Variants in ADARB2 observed in about 807,000 individuals in gnomAD.
The protein encoded by ADARB2 is adenosine deaminase RNA specific B2 (inactive).
Under a neutral mutation model 62.2 loss-of-function variants are expected in ADARB2, and 25 were observed. That is an observed-to-expected ratio of 0.40 (90% CI 0.29 to 0.56). ADARB2 has a LOEUF of 0.56. Ranked by LOEUF, ADARB2 falls within the 20% of genes least tolerant of loss-of-function variation. ADARB2 has a pLI of 0.43. For synonymous variants in ADARB2, 572 were observed against 500.8 expected (o/e 1.14, Z -1.90); for missense variants, 1,071 against 1,077.4 (o/e 0.99, Z 0.08).
chr10:1,594,503 G>A (rs925927191), intron 1 of ADARB2, among the ~76,000 whole-genome samples: 5 of 152,064 alleles, frequency 3.3e-5, no homozygotes, highest in Admixed American at 2.6e-4. Flanking sequence ...GGATTTTGGC[G>A]TGGGTGTTTG....
At chr10:1,331,148 T>C (rs1053567311) in intron 3 of ADARB2, among the ~76,000 whole-genome samples, 8 of 152,184 alleles carry the variant, frequency 5.3e-5, no homozygotes, top group African/African-American at 1.9e-4. Flanking sequence ...TGTGGAGAAA[T>C]TGGAACCCTC....
chr10:1,732,500 A>G (rs1477261021), intron 1 of ADARB2, among the ~76,000 whole-genome samples: 1 of 152,202 alleles, frequency 6.6e-6, no homozygotes, highest in Non-Finnish European at 1.5e-5. Flanking sequence ...CTGTTATTAC[A>G]TGGGTCACTA....
At chr10:1,265,503 G>A (rs1017624175) in intron 4 of ADARB2, among the ~76,000 whole-genome samples, 2 of 152,268 alleles carry the variant, frequency 1.3e-5, no homozygotes, top group South Asian at 2.1e-4. Context: ...TGGAGAGAAG[G>A]GGTGAGTGGG....
chr10:1,471,446 A>G (rs547490531), intron 1 of ADARB2, among the ~76,000 whole-genome samples: 3 of 152,100 alleles, frequency 2.0e-5, no homozygotes, highest in Admixed American at 1.3e-4. Flanking sequence ...GCTGGAGTGC[A>G]ATGGCGAGGT....
chr10:1,575,736 C>G (rs1339956927), intron 1 of ADARB2, among the ~76,000 whole-genome samples: 3 of 152,204 alleles, frequency 2.0e-5, no homozygotes, highest in Admixed American at 6.5e-5. Context: ...TGGTCAAGCT[C>G]CATGGTTTCC....
At chr10:1,381,179 C>T (rs867985513) in intron 1 of ADARB2, among the ~76,000 whole-genome samples, 9,481 of 150,078 alleles carry the variant, frequency 0.063, 1,034 homozygotes, top group African/African-American at 0.21. Context: ...CATATACACA[C>T]ACACACACAC....
At chr10:1,685,936 C>A (rs528194783) in intron 1 of ADARB2, among the ~76,000 whole-genome samples, 1 of 152,318 alleles carries the variant, frequency 6.6e-6, no homozygotes, top group South Asian at 2.1e-4. Flanking sequence ...GACGGATGGG[C>A]TGCAATGTGG....
In ADARB2 at chr10:1,375,796, G is replaced by GCA. The variant is rs60085061; in HGVS notation, c.187+3276_187+3277dup. Among the ~76,000 whole-genome samples the GCA allele has an allele frequency of 2.6e-4, 33 of 126,188 alleles. 1 individual carries two copies. The highest frequency in any genetic ancestry group is 2.3e-3 in the East Asian group (9 of 3,976). 82.8% of individuals were successfully genotyped at this position (126,188 alleles called of 152,430 possible). A position where few individuals can be genotyped will look rare whatever the true frequency, so the allele number is the denominator to read the frequency against. Reference sequence around the variant, plus strand: ...CACATGTGCACACACATGCACACACGCACACACACACCACACACATGCACA... The same window carrying GCA: ...CACATGTGCACACACATGCACACACGCACACACACACACCACACACATGCACA... On this transcript the variant is annotated intron_variant, in intron 2 of 9. Transcript: ENST00000381312.
At chr10:1,725,700 CGAA>C (rs1564205642) in intron 1 of ADARB2, among the ~76,000 whole-genome samples, 1 of 152,186 alleles carries the variant, frequency 6.6e-6, no homozygotes, top group African/African-American at 2.4e-5. Flanking sequence ...CACTCGTATC[CGAA>C]GTTTGAATGT....
intron 1 of ADARB2, among the ~76,000 whole-genome samples, chr10:1,450,704 G>T (rs987591751): frequency 3.3e-5 from 5 of 152,226 alleles, no homozygotes; most frequent in Non-Finnish European, 5.9e-5. Flanking sequence ...GAACATGGGT[G>T]AGTGGCGAGG....
intron 1 of ADARB2, among the ~76,000 whole-genome samples, chr10:1,619,093 G>T (rs942055092): frequency 6.6e-6 from 1 of 152,144 alleles, no homozygotes; most frequent in Non-Finnish European, 1.5e-5. Context: ...AGATTGAGAA[G>T]GCGAGAGACA....
At chr10:1,724,824 G>A (rs1396263569) in intron 1 of ADARB2, among the ~76,000 whole-genome samples, 1 of 152,180 alleles carries the variant, frequency 6.6e-6, no homozygotes, top group Non-Finnish European at 1.5e-5. Flanking sequence ...GGTGTCGTAG[G>A]GAGAATGTGG....
At chr10:1,352,107 G>T (rs986880123) in intron 3 of ADARB2, among the ~76,000 whole-genome samples, 2 of 151,962 alleles carry the variant, frequency 1.3e-5, no homozygotes, top group African/African-American at 2.4e-5. Context: ...AAGCTTCACA[G>T]ACAGCCCCCA....
intron 6 of ADARB2, among the ~76,000 whole-genome samples, chr10:1,230,850 G>A (rs1830797828): frequency 6.6e-6 from 1 of 152,156 alleles, no homozygotes; most frequent in Non-Finnish European, 1.5e-5. Context: ...ATTTTGCCTG[G>A]CATATCTGCT....
intron 1 of ADARB2, among the ~76,000 whole-genome samples, chr10:1,488,883 AACCAGGATG>A (rs1831585430): frequency 6.6e-6 from 1 of 152,232 alleles, no homozygotes; most frequent in African/African-American, 2.4e-5. Context: ...TTGGTCAGCA[AACCAGGATG>A]AGATGGGAAC....
intron 1 of ADARB2, among the ~76,000 whole-genome samples, chr10:1,581,644 A>G (rs1833100501): frequency 6.6e-6 from 1 of 152,110 alleles, no homozygotes; most frequent in Admixed American, 6.5e-5. Flanking sequence ...GTGTGTGTGT[A>G]TACCTATATA....
intron 1 of ADARB2, among the ~76,000 whole-genome samples, chr10:1,512,936 C>T (rs1831956888): frequency 6.6e-6 from 1 of 152,208 alleles, no homozygotes; most frequent in Non-Finnish European, 1.5e-5. Flanking sequence ...TGCCAAGCTG[C>T]TTACTTTAAA....
chr10:1,197,938 G>T (rs1836932509), intron 8 of ADARB2, among the ~76,000 whole-genome samples: 1 of 152,270 alleles, frequency 6.6e-6, no homozygotes, highest in East Asian at 1.9e-4. Context: ...ATTATTCAAA[G>T]CATAGAGTTT....
intron 3 of ADARB2, among the ~76,000 whole-genome samples, chr10:1,327,050 C>T (rs1282945650): frequency 1.1e-5 from 1 of 90,898 alleles, no homozygotes; most frequent in Non-Finnish European, 2.4e-5. Flanking sequence ...CCCAGCGCCT[C>T]CCCACTGCCC....
Sources: allele counts gnomAD v4.1 joint callset (sites outside exome capture counted in the v4.1 genomes callset), GRCh38; gene constraint gnomAD v4.1.1; transcripts MANE v1.5; gene names NCBI Gene and HGNC (gene_info 2026-07-23, HGNC 2026-07-21).